Variants in ACAA2 observed in about 807,000 individuals in gnomAD.
ACAA2 encodes the protein 3-ketoacyl-CoA thiolase, mitochondrial.
Under a neutral mutation model 44.8 loss-of-function variants are expected in ACAA2, and 35 were observed. The ratio of observed to expected loss-of-function variants is 0.78; its 90% CI spans 0.60 to 1.04. ACAA2 has a LOEUF of 1.04. Ranked by LOEUF, ACAA2 falls within the 50% of genes least tolerant of loss-of-function variation. ACAA2 has a pLI of 0.00. For synonymous variants in ACAA2, 142 were observed against 166.5 expected, an observed-to-expected ratio of 0.85 and a Z score of 1.13; for missense variants, 468 against 482.6, an observed-to-expected ratio of 0.97 and a Z score of 0.28.
intron 4 of ACAA2, among the ~76,000 whole-genome samples, chr18:49,794,845 T>TTTTTC (rs1458450367): frequency 6.6e-6 from 1 of 152,196 alleles, no homozygotes; most frequent in African/African-American, 2.4e-5. Flanking sequence ...GTATTATCTG[T>TTTTTC]TTTTCTTTTT....
chr18:49,801,886 T>C (rs188959870), intron 2 of ACAA2, among the ~76,000 whole-genome samples: 1 of 150,798 alleles, frequency 6.6e-6, no homozygotes, highest in Admixed American at 6.6e-5. Flanking sequence ...TAATAGCCTC[T>C]AACTAGGTAT....
chr18:49,793,884 T>C (rs2023434334), intron 5 of ACAA2, among the ~76,000 whole-genome samples: 1 of 152,028 alleles, frequency 6.6e-6, no homozygotes, highest in African/African-American at 2.4e-5. Context: ...CCAAATACAT[T>C]ACCCCTTCTT....
intron 8 of ACAA2, 22 bp downstream of exon 8, chr18:49,787,269 A>AC (rs2023342325): frequency 6.3e-6 from 9 of 1,432,808 alleles, no homozygotes; most frequent in Non-Finnish European, 8.2e-6. Context: ...TTAAAAAAAA[A>AC]AAAAAAAAAA....
chr18:49,791,383 TTTGGCCACTTTTTCAGGACTCTGA>T lies in ACAA2; in HGVS notation c.883+63_883+86del, dbSNP rs1303445230. On this transcript the variant is annotated intron_variant, in intron 7 of 9. Transcript: ENST00000285093. ...TTCTTTTCTCTACAGGTGACCTTGG[TTTGGCCACTTTTTCAGGACTCTGA>T]ATGCCAAAGAAGACTTACCTCCAGA... The T allele has an allele frequency of 7.2e-6, 10 of 1,394,704 alleles. No individual in the cohort carries two copies. The African/African-American group carries it at 1.4e-4, about 20-fold the overall frequency. The allele number at this position is 1,394,704 out of a possible 1,614,324, so 86.4% of individuals were successfully genotyped here.
At chr18:49,787,418 T>A in intron 7 of ACAA2, 57 bp from the exon 8 acceptor site, 1 of 1,214,056 alleles carries the variant, frequency 8.2e-7, no homozygotes, top group Non-Finnish European at 1.1e-6. Context: ...ATCTTATATT[T>A]ACGTATCAAG....
At chr18:49,799,846 G>GT in intron 2 of ACAA2, among the ~76,000 whole-genome samples, 1 of 147,006 alleles carries the variant, frequency 6.8e-6, no homozygotes, top group Non-Finnish European at 1.5e-5. Context: ...TCTGGGATGT[G>GT]GGGAGCGCCT....
At chr18:49,800,504 G>C (rs1598799274) in intron 2 of ACAA2, among the ~76,000 whole-genome samples, 1 of 152,198 alleles carries the variant, frequency 6.6e-6, no homozygotes, top group Admixed American at 6.5e-5. Context: ...TGCCGTGTCT[G>C]TGTGGAAAGA....
intron 5 of ACAA2, 35 bp from the exon 6 acceptor site, chr18:49,792,362 AAGAG>A (rs768089753): frequency 3.3e-6 from 5 of 1,525,740 alleles, no homozygotes; most frequent in Admixed American, 3.7e-5. Context: ...ATAAGAATAA[AAGAG>A]AGAAACATGA....
chr18:49,792,082 A>G (rs1276912199), intron 6 of ACAA2, 70 bp downstream of exon 6: 2 of 1,288,454 alleles, frequency 1.6e-6, no homozygotes, highest in African/African-American at 2.9e-5. Flanking sequence ...AGTATTTACA[A>G]GATACTTCAT....
chr18:49,809,017 T>C (rs1326615883), intron 1 of ACAA2, among the ~76,000 whole-genome samples: 8 of 152,136 alleles, frequency 5.3e-5, no homozygotes, highest in Non-Finnish European at 8.8e-5. Flanking sequence ...CGGCCATTTA[T>C]AGACCTCCCC....
chr18:49,786,775 CA>C (rs2023334770), intron 8 of ACAA2, among the ~76,000 whole-genome samples: 1 of 152,088 alleles, frequency 6.6e-6, no homozygotes, highest in African/African-American at 2.4e-5. Flanking sequence ...AAAAAGAAAT[CA>C]CTCAATAAAT....
chr18:49,807,269 C>T (rs1430241343), intron 1 of ACAA2, among the ~76,000 whole-genome samples: 1 of 152,164 alleles, frequency 6.6e-6, no homozygotes, highest in Admixed American at 6.5e-5. Flanking sequence ...GTGGCATGTG[C>T]CTGTAGTCCC....
Position 49,791,507 on chromosome 18 carries a change from G to A in ACAA2, c.846C>T (p.Tyr282=), listed in dbSNP as rs143583716. 363 of 1,612,236 alleles carry A rather than the reference G, an allele frequency of 2.3e-4. No homozygotes were observed. The African/African-American group carries it at 4.3e-3, about 19-fold the overall frequency. Residue 282 remains tyrosine (Y), a synonymous_variant, in exon 7 of 10, where the codon TAC becomes TAT. Transcript: ENST00000285093. ...TAGAGGGATCACATCCAGATACAAA[G>A]TAGCCCACAATTCTTGCCAGTGGTG... ...NFTPLARIVG[Y]FVSGCDPSIM...
chr18:49,785,829 G>A (rs1446794264), intron 8 of ACAA2: 6 of 157,122 alleles, frequency 3.8e-5, no homozygotes, highest in African/African-American at 1.4e-4. Context: ...CTGAAACATG[G>A]CAAGTACTCA....
intron 1 of ACAA2, among the ~76,000 whole-genome samples, chr18:49,804,946 T>C (rs2023595589): frequency 6.6e-6 from 1 of 152,204 alleles, no homozygotes; most frequent in Non-Finnish European, 1.5e-5. Context: ...TGACATTCAT[T>C]AGGTGTCTAC....
chr18:49,793,746 C>G (rs1352411323), intron 5 of ACAA2, among the ~76,000 whole-genome samples: 2 of 152,188 alleles, frequency 1.3e-5, no homozygotes, highest in African/African-American at 4.8e-5. Flanking sequence ...GGCTCTATAG[C>G]AACCTGCTGT....
At chr18:49,797,243 C>A (rs1440611767) in intron 3 of ACAA2, among the ~76,000 whole-genome samples, 1 of 151,580 alleles carries the variant, frequency 6.6e-6, no homozygotes, top group African/African-American at 2.4e-5. Context: ...CAGGCTTATT[C>A]CACTTTCAGG....
At chr18:49,784,067 G>A in intron 9 of ACAA2, 136 bp from the exon 10 acceptor site, 6 of 726,322 alleles carry the variant, frequency 8.3e-6, no homozygotes, top group East Asian at 2.8e-5. Flanking sequence ...CCTCAATTTT[G>A]GTATAATTAC....
At chr18:49,783,968 A>C (rs2023296515) in intron 9 of ACAA2, 37 bp from the exon 10 acceptor site, 1 of 1,534,376 alleles carries the variant, frequency 6.5e-7, no homozygotes. Context: ...CTACTCTAAT[A>C]AAAAATCAGA....
Sources: allele counts gnomAD v4.1 joint callset (sites outside exome capture counted in the v4.1 genomes callset), GRCh38; gene constraint gnomAD v4.1.1; transcripts MANE v1.5; gene names NCBI Gene and HGNC (gene_info 2026-07-23, HGNC 2026-07-21).